MAST4: variants seen among roughly 807,000 people sequenced by gnomAD.
The protein encoded by MAST4 is microtubule-associated serine/threonine-protein kinase 4.
In MAST4, 89 loss-of-function variants were observed where a neutral mutation model predicts 162.7. The ratio of observed to expected loss-of-function variants is 0.55; its 90% CI spans 0.46 to 0.65. The LOEUF is 0.65. MAST4 is among the 30% of genes least tolerant of loss of function. The probability of loss-of-function intolerance (pLI) is 0.00; values close to 1 mark genes in which losing one functional copy is unlikely to be tolerated. For missense variants in MAST4, 3,153 were observed against 3,374.0 expected (o/e 0.93, Z 1.62); for synonymous variants, 1,479 against 1,361.1 (o/e 1.09, Z -1.91).
rs114285609 is a variant in MAST4, at chr5:66,597,177, G to C, written c.363+159G>C. Among the ~76,000 whole-genome samples, 987 of 152,334 alleles carry C rather than the reference G, an allele frequency of 6.5e-3. 5 individuals are homozygous for C. Among genetic ancestry groups the C allele is most frequent in the Non-Finnish European group, 0.01 (703 of 68,034 alleles). ...GAGCACGGGACAACGATAGTTAGGA[G>C]CCCCCCTGTGGGTTATTGACTTCCC... On this transcript the variant is annotated intron_variant, in intron 1 of 28. Coordinates refer to ENST00000403625, the MANE Select transcript of MAST4 (RefSeq NM_001164664.2).
Position 66,929,244 on chromosome 5 carries a change from G to C in MAST4, c.674+29262G>C, listed in dbSNP as rs545061591. Among the ~76,000 whole-genome samples, 12 of 152,250 alleles carry C rather than the reference G, an allele frequency of 7.9e-5. No individual in the cohort carries two copies. In the South Asian group the frequency reaches 2.3e-3, roughly 29 times the overall value. On this transcript the variant is annotated intron_variant, in intron 4 of 28. Coordinates refer to ENST00000403625, the MANE Select transcript of MAST4 (RefSeq NM_001164664.2). ...TTAGGGTAAGTCCTGGATTCCAAAG[G>C]GTGGAGAGTCTGGAGTTCTGATGTT...
At position 67,153,571 on chromosome 5, in the gene MAST4, C is replaced by T. The variant is rs1254320348; in HGVS notation, c.3639C>T (p.Leu1213=). ...HGLVHTEVIE[L]LLKSGNKVSI... The stretch of plus-strand genomic sequence containing the variant: ...TTGTCCACACAGAAGTTATAGAACT[C>T]CTACTGAAGGTATTGTATGTTTTAT... Residue 1213 remains leucine (L), a synonymous_variant, in exon 26 of 29, where the codon CTC becomes CTT. Coordinates refer to ENST00000403625, the MANE Select transcript of MAST4 (RefSeq NM_001164664.2). The T allele has an allele frequency of 1.3e-6, 2 of 1,583,378 alleles. No homozygotes were observed. The highest frequency in any genetic ancestry group is 1.3e-5 in the African/African-American group (1 of 74,356).
intron 4 of MAST4, among the ~76,000 whole-genome samples, chr5:67,048,179 G>A (rs974085348): frequency 1.7e-4 from 26 of 152,074 alleles, no homozygotes; most frequent in Admixed American, 2.0e-4. Flanking sequence ...AATGCACAGA[G>A]TTCTAGATCT....
chr5:66,788,779 G>A lies in MAST4; in HGVS notation c.627G>A (p.Ser209=), dbSNP rs2289882. The change falls in exon 3 of 29, where the codon TCG becomes TCA. Residue 209 remains serine, a synonymous_variant. Transcript: ENST00000403625. ...AGGCCCTGGGCCAGTCGGCGCCCTC[G>A]CTCACCGCCAGCCTGGTGAGTGTCC... ...RSQALGQSAP[S]LTASLKELSL... 2.5e-6 allele frequency: 4 copies of A among 1,593,842 alleles called. No individual in the cohort carries two copies. Among genetic ancestry groups the A allele is most frequent in the African/African-American group, 1.3e-5 (1 of 74,268 alleles).
At chr5:66,648,079 T>A (rs1049412144) in intron 1 of MAST4, among the ~76,000 whole-genome samples, 1,763 of 103,424 alleles carry the variant, frequency 0.017, 11 homozygotes, top group African/African-American at 0.038. Context: ...TGTGTGTGTG[T>A]GTGTGAGAGA....
chr5:66,693,735 A>G (rs1749209564), intron 1 of MAST4, among the ~76,000 whole-genome samples: 1 of 152,136 alleles, frequency 6.6e-6, no homozygotes, highest in Admixed American at 6.5e-5. Flanking sequence ...ATCTCTTAAG[A>G]TATGGTCCTC....
intron 4 of MAST4, among the ~76,000 whole-genome samples, chr5:66,917,754 T>A (rs931276866): frequency 1.3e-5 from 2 of 152,160 alleles, no homozygotes; most frequent in Admixed American, 6.5e-5. Flanking sequence ...CCTATCTGTC[T>A]GTTTCTGTGC....
Position 67,166,706 on chromosome 5 carries a change from G to T in MAST4, c.7527G>T (p.Gly2509=). The T allele has an allele frequency of 2.5e-6, 4 of 1,589,534 alleles. No individual in the cohort carries two copies. Among genetic ancestry groups the T allele is most frequent in the Non-Finnish European group, 2.6e-6 (3 of 1,168,170 alleles). Residue 2509 remains glycine, a synonymous_variant, in exon 29 of 29, where the codon GGG becomes GGT. Coordinates refer to ENST00000403625, the MANE Select transcript of MAST4 (RefSeq NM_001164664.2). ...NRDHRKAQPA[G]EGRTHMTKSD... ...ACCATAGGAAGGCTCAGCCTGCCGG[G>T]GAGGGCCGAACCCACATGACAAAGA...
rs897865635 is a variant in MAST4 at position 67,034,955 on chromosome 5, A to ACT, written c.675-19448_675-19447dup. On this transcript the variant is annotated intron_variant, in intron 4 of 28. Transcript: ENST00000403625. ...ACCAAAAAGAAAGTTCCCCTATAGG[A>ACT]CTGCTGGTTTAGAGTGAACCATAGA... Among the ~76,000 whole-genome samples the ACT allele has an allele frequency of 1.3e-4, 20 of 152,314 alleles. No homozygotes were observed. The East Asian group carries it at 2.1e-3, about 16-fold the overall frequency.
intron 3 of MAST4, among the ~76,000 whole-genome samples, chr5:66,816,568 G>A (rs1467508122): frequency 2.6e-5 from 4 of 152,172 alleles, no homozygotes; most frequent in African/African-American, 9.7e-5. Context: ...GTGGGGTCTG[G>A]TTTTGTAGAT....
At chr5:66,754,178 A>G (rs921022013) in intron 1 of MAST4, among the ~76,000 whole-genome samples, 4 of 149,404 alleles carry the variant, frequency 2.7e-5, no homozygotes, top group African/African-American at 7.5e-5. Context: ...ATCTATGACA[A>G]ACCCACAGCC....
At chr5:66,802,807 A>G (rs1242558165) in intron 3 of MAST4, among the ~76,000 whole-genome samples, 3 of 152,184 alleles carry the variant, frequency 2.0e-5, no homozygotes, top group Non-Finnish European at 2.9e-5. Context: ...CTCAAGAGTG[A>G]TATTCTCAGA....
intron 5 of MAST4, among the ~76,000 whole-genome samples, chr5:67,088,621 TG>T (rs1450293093): frequency 6.6e-6 from 1 of 152,102 alleles, no homozygotes; most frequent in Non-Finnish European, 1.5e-5. Flanking sequence ...AATTTAGCTG[TG>T]TGTAGATAAA....
intron 5 of MAST4, among the ~76,000 whole-genome samples, chr5:67,078,706 A>T (rs1203022805): frequency 2.5e-5 from 3 of 121,546 alleles, no homozygotes; most frequent in African/African-American, 1.1e-4. Context: ...ATTTATATAT[A>T]ATATTTATTT....
chr5:67,063,382 C>T (rs1213354042), intron 5 of MAST4, among the ~76,000 whole-genome samples: 1 of 152,152 alleles, frequency 6.6e-6, no homozygotes, highest in Non-Finnish European at 1.5e-5. Context: ...GATCCATCTG[C>T]CCTGTGCCCT....
intron 4 of MAST4, among the ~76,000 whole-genome samples, chr5:67,030,813 C>T (rs747358766): frequency 2.6e-5 from 4 of 152,146 alleles, no homozygotes; most frequent in Non-Finnish European, 5.9e-5. Context: ...TTGGGTATCT[C>T]AAACGCTATG....
chr5:66,704,743 G>A (rs1224548833), intron 1 of MAST4, among the ~76,000 whole-genome samples: 3 of 152,004 alleles, frequency 2.0e-5, no homozygotes, highest in Middle Eastern at 3.4e-3. Flanking sequence ...CTCGTGATCC[G>A]CCTGCCTCAG....
chr5:66,707,456 T>C (rs1359149472), intron 1 of MAST4, among the ~76,000 whole-genome samples: 1 of 152,124 alleles, frequency 6.6e-6, no homozygotes, highest in African/African-American at 2.4e-5. Flanking sequence ...AAAACAGAAA[T>C]GAATTTTCTC....
Position 67,131,795 on chromosome 5 carries a change from CT to C in MAST4, c.1955-13del, listed in dbSNP as rs764064946. ...AGCCTTCATCCTATAGCTACTAACT[CT>C]TTTTCCTGTGTTACAGGGGGAGACT... On this transcript the variant is annotated splice_polypyrimidine_tract_variant and intron_variant, in intron 15 of 28. Transcript: ENST00000403625. The C allele has an allele frequency of 1.2e-6, 2 of 1,610,640 alleles. No individual in the cohort carries two copies. The highest frequency in any genetic ancestry group is 2.2e-5 in the South Asian group (2 of 90,446).
Sources: gnomAD v4.1 joint callset for allele counts (sites outside exome capture counted in the v4.1 genomes callset) on GRCh38, gnomAD v4.1.1 for gene constraint, MANE v1.5 for transcripts, NCBI Gene and HGNC (gene_info 2026-07-23, HGNC 2026-07-21) for gene names.